Variants in CNTN2 observed in about 807,000 individuals in gnomAD.
CNTN2 encodes the protein contactin 2.
CNTN2 carries 53 observed loss-of-function variants against 117.5 expected under a neutral mutation model. The observed-to-expected ratio is 0.45, with a 90% CI of 0.36 to 0.57. The LOEUF is 0.57. CNTN2 is among the 20% of genes least tolerant of loss of function. The pLI is 0.00. For missense variants in CNTN2, 1,106 were observed against 1,404.3 expected (o/e 0.79, Z 3.39); for synonymous variants, 530 against 561.7 (o/e 0.94, Z 0.80).
Position 205,058,511 on chromosome 1 carries a change from G to C in CNTN2, c.392-57G>C. The C allele has an allele frequency of 1.3e-6, 2 of 1,587,962 alleles. No homozygotes were observed. The highest frequency in any genetic ancestry group is 8.6e-7 in the Non-Finnish European group (1 of 1,158,552). ...GCTGCTTCTCCGTGAAGGATGAGTC[G>C]GGGAGGGGCTCGCAGGCCAGGAGGA... On this transcript the variant is annotated intron_variant, in intron 4 of 22. Coordinates refer to ENST00000331830, the MANE Select transcript of CNTN2 (RefSeq NM_005076.5). The surrounding 1 kb of genome is among the most constrained non-coding windows in gnomAD (Gnocchi z 4.3).
At chr1:205,063,841 G>C (rs1344318420) in intron 10 of CNTN2, among the ~76,000 whole-genome samples, 2 of 151,252 alleles carry the variant, frequency 1.3e-5, no homozygotes, top group South Asian at 2.1e-4. Flanking sequence ...TTCCAGGCAA[G>C]ATTTACAGCA....
Position 205,058,748 on chromosome 1 carries a change from G to A in CNTN2, c.487+85G>A. 1 of 1,090,030 alleles carries A rather than the reference G, an allele frequency of 9.2e-7. No homozygotes were observed. Among genetic ancestry groups the A allele is most frequent in the Non-Finnish European group, 1.3e-6 (1 of 751,030 alleles). The allele number at this position is 1,090,030 out of a possible 1,614,324, so 67.5% of individuals were successfully genotyped here. On this transcript the variant is annotated intron_variant, in intron 5 of 22. Transcript: ENST00000331830. This position sits in a 1 kb window ranked among gnomAD's most constrained non-coding sequence, Gnocchi z 4.3. ...GCAGAGGAAGGATGGAATAAAAGGA[G>A]ACCCCTGGAAATGACCCTTAGAAGC...
chr1:205,058,537 C>A lies in CNTN2; in HGVS notation c.392-31C>A. On this transcript the variant is annotated intron_variant, in intron 4 of 22. Coordinates refer to ENST00000331830, the MANE Select transcript of CNTN2 (RefSeq NM_005076.5). The surrounding 1 kb of genome is among the most constrained non-coding windows in gnomAD (Gnocchi z 4.3). ...GGGAGGGGCTCGCAGGCCAGGAGGA[C>A]AGTGCCTGAGCCCCTGGTCTCTGCC... The A allele has an allele frequency of 6.2e-7, 1 of 1,603,730 alleles. No individual in the cohort carries two copies. The highest frequency in any genetic ancestry group is 8.5e-7 in the Non-Finnish European group (1 of 1,171,576).
chr1:205,054,697 C>G (rs1449730003), intron 2 of CNTN2, among the ~76,000 whole-genome samples: 1 of 152,230 alleles, frequency 6.6e-6, no homozygotes, highest in East Asian at 1.9e-4. Flanking sequence ...CAGAGAGAGA[C>G]AGGAGTGGCA....
At chr1:205,054,972 C>T (rs1414173536) in intron 2 of CNTN2, among the ~76,000 whole-genome samples, 1 of 152,066 alleles carries the variant, frequency 6.6e-6, no homozygotes, top group Non-Finnish European at 1.5e-5. Flanking sequence ...GGGCTGGCCT[C>T]GCCTGGGAGA....
intron 15 of CNTN2, 76 bp from the exon 16 acceptor site, chr1:205,067,025 A>G (rs1400619284): frequency 1.3e-5 from 20 of 1,522,914 alleles, no homozygotes; most frequent in Non-Finnish European, 1.8e-5. Context: ...ATAAGGGGTG[A>G]TTCAGGCCAG....
chr1:205,073,292 C>T lies in CNTN2; in HGVS notation c.3013+56C>T, dbSNP rs1442259254. ...GAGAGATTCAGGATCCACCCAGATA[C>T]CTGAGAGGATCATTCCCACCCAGGC... On this transcript the variant is annotated intron_variant, in intron 22 of 22. Coordinates refer to ENST00000331830, the MANE Select transcript of CNTN2 (RefSeq NM_005076.5). This position sits in a 1 kb window ranked among gnomAD's most constrained non-coding sequence, Gnocchi z 6.3. The T allele has an allele frequency of 1.9e-6, 3 of 1,577,726 alleles. No homozygotes were observed. The highest frequency in any genetic ancestry group is 1.7e-5 in the Admixed American group (1 of 58,718).
chr1:205,065,142 C>T lies in CNTN2; in HGVS notation c.1575C>T (p.Asn525=). 1 of 1,614,150 alleles carries T rather than the reference C, an allele frequency of 6.2e-7. No individual in the cohort carries two copies. The highest frequency in any genetic ancestry group is 8.5e-7 in the Non-Finnish European group (1 of 1,180,026). ...GTGCCGACATCAACTTGGGTGACAA[C>T]CTGACCCTACAGTGCCATGCCTCCC... The part of the protein sequence containing the change: ...PSSADINLGD[N]LTLQCHASHD... The change falls in exon 13 of 23, where the codon AAC becomes AAT. Residue 525 remains asparagine, a synonymous_variant. Coordinates refer to ENST00000331830, the MANE Select transcript of CNTN2 (RefSeq NM_005076.5). The surrounding 1 kb of genome is among the most constrained non-coding windows in gnomAD (Gnocchi z 4.1).
At chr1:205,067,452 T>C (rs1232436616) in intron 16 of CNTN2, 1 of 501,742 alleles carries the variant, frequency 2.0e-6, no homozygotes, top group Non-Finnish European at 3.4e-6. Flanking sequence ...AAACTCCTCA[T>C]TTAAAAACTG....
Position 205,058,673 on chromosome 1 carries a change from G to T in CNTN2, c.487+10G>T. ...CCTGCCCACTACCCAGGTGAGTCCA[G>T]ACCTGGGGCCAGGGTTAGAGAGGGC... is the stretch of plus-strand genomic sequence containing the variant. On this transcript the variant is annotated intron_variant, in intron 5 of 22. Transcript: ENST00000331830. This position sits in a 1 kb window ranked among gnomAD's most constrained non-coding sequence, Gnocchi z 4.3. The T allele has an allele frequency of 6.2e-7, 1 of 1,607,956 alleles. No individual in the cohort carries two copies. The highest frequency in any genetic ancestry group is 1.1e-5 in the South Asian group (1 of 90,652).
At chr1:205,069,721 C>A (rs1654486517) in intron 17 of CNTN2, 106 bp from the exon 18 acceptor site, 1 of 1,431,478 alleles carries the variant, frequency 7.0e-7, no homozygotes. Context: ...ACGCTGCAGG[C>A]GTAGGCGTCC....
chr1:205,070,192 C>T, intron 18 of CNTN2, 131 bp downstream of exon 18: 1 of 883,866 alleles, frequency 1.1e-6, no homozygotes, highest in Non-Finnish European at 1.8e-6. Flanking sequence ...CTGGGTTCCA[C>T]ATCATTGGCC....
rs1325612732 is a variant in CNTN2, at chr1:205,064,382, G to T, written c.1301G>T (p.Gly434Val). The part of the protein sequence containing the change: ...VRRLIPAARG[G>V]EILIPCQPRA... ...CGTCTGATCCCCGCGGCCCGCGGGG[G>T]AGAGATCCTTATCCCCTGCCAGCCC... is the stretch of plus-strand genomic sequence containing the variant. Residue 434 changes from glycine (G) to valine (V), a missense_variant, in exon 11 of 23, where the codon GGA becomes GTA. Coordinates refer to ENST00000331830, the MANE Select transcript of CNTN2 (RefSeq NM_005076.5). The T allele has an allele frequency of 6.2e-6, 10 of 1,611,044 alleles. No homozygotes were observed. Among genetic ancestry groups the T allele is most frequent in the Non-Finnish European group, 7.6e-6 (9 of 1,177,468 alleles).
Position 205,073,222 on chromosome 1 carries a change from TCG to T in CNTN2, c.3000_3001del (p.Val1001GlufsTer78). The stretch of plus-strand genomic sequence containing the variant: ...GATGGGATCCCTGCAGAAGTCCACA[TCG>T]TGAGGAATGGAGGTGCTGCTCCTCC... On this transcript the variant is annotated frameshift_variant, in exon 22 of 23. Transcript: ENST00000331830. LOFTEE classifies it low-confidence loss of function (END_TRUNC). This position sits in a 1 kb window ranked among gnomAD's most constrained non-coding sequence, Gnocchi z 6.3. 1 of 1,613,898 alleles carries T rather than the reference TCG, an allele frequency of 6.2e-7. No individual in the cohort carries two copies. The highest frequency in any genetic ancestry group is 1.1e-5 in the South Asian group (1 of 91,074).
chr1:205,073,308 C>T lies in CNTN2; in HGVS notation c.3013+72C>T. 1 of 1,535,504 alleles carries T rather than the reference C, an allele frequency of 6.5e-7. No homozygotes were observed. Among genetic ancestry groups the T allele is most frequent in the South Asian group, 1.2e-5 (1 of 83,152 alleles). ...ACCCAGATACCTGAGAGGATCATTC[C>T]CACCCAGGCCAACTCCAATCTCTAC... is the stretch of plus-strand genomic sequence containing the variant. On this transcript the variant is annotated intron_variant, in intron 22 of 22. Coordinates refer to ENST00000331830, the MANE Select transcript of CNTN2 (RefSeq NM_005076.5). The surrounding 1 kb of genome is among the most constrained non-coding windows in gnomAD (Gnocchi z 6.3).
chr1:205,073,462 A>T lies in CNTN2; in HGVS notation c.3014-194A>T. On this transcript the variant is annotated intron_variant, in intron 22 of 22. Coordinates refer to ENST00000331830, the MANE Select transcript of CNTN2 (RefSeq NM_005076.5). This position sits in a 1 kb window ranked among gnomAD's most constrained non-coding sequence, Gnocchi z 6.3. ...AGGGAAGGGCGCAGGGTGCAGGGGG[A>T]GGCTGAGGACCAACCAGCAATAGCA... is the stretch of plus-strand genomic sequence containing the variant. The T allele has an allele frequency of 1.4e-6, 1 of 725,782 alleles. No homozygotes were observed. The highest frequency in any genetic ancestry group is 2.3e-6 in the Non-Finnish European group (1 of 443,728). 45.0% of individuals were successfully genotyped at this position (725,782 alleles called of 1,614,324 possible).
chr1:205,074,259 C>T lies in CNTN2; in HGVS notation c.*494C>T, dbSNP rs892082740. 4 of 406,918 alleles carry T rather than the reference C, an allele frequency of 9.8e-6. No individual in the cohort carries two copies. The highest frequency in any genetic ancestry group is 1.1e-4 in the South Asian group (1 of 8,706). The allele number at this position is 406,918 out of a possible 1,614,324, so 25.2% of individuals were successfully genotyped here. A position where few individuals can be genotyped will look rare whatever the true frequency, so the allele number is the denominator to read the frequency against. On this transcript the variant is annotated 3_prime_UTR_variant, in exon 23 of 23. Coordinates refer to ENST00000331830, the MANE Select transcript of CNTN2 (RefSeq NM_005076.5). ...CAAGCCCTGGGACCAAGAGCTCTCC[C>T]GCCTTCTCCCTCGAGCAGCAGCAAG...
rs2096446497 is a variant in CNTN2, at chr1:205,048,778, C to G, written c.-86-4322C>G. Among the ~76,000 whole-genome samples the G allele has an allele frequency of 6.6e-6, 1 of 152,154 alleles. No homozygotes were observed. On this transcript the variant is annotated intron_variant, in intron 1 of 22. Coordinates refer to ENST00000331830, the MANE Select transcript of CNTN2 (RefSeq NM_005076.5). This position sits in a 1 kb window ranked among gnomAD's most constrained non-coding sequence, Gnocchi z 4.1. ...AGAGGCAGTAATTTTATTACTGTCT[C>G]CCCTGTGCTTAGCACAATGCCTGGC...
In CNTN2 at chr1:205,069,818, G is replaced by T; in HGVS notation, c.2197-9G>T. ...GGACCCTCGCCCATGCCATGCTCTT[G>T]CCCCTCAGCCCATGTCACGGGAGTA... On this transcript the variant is annotated splice_polypyrimidine_tract_variant and intron_variant, in intron 17 of 22. Transcript: ENST00000331830. 1 of 1,610,524 alleles carries T rather than the reference G, an allele frequency of 6.2e-7. No homozygotes were observed.
Sources: gnomAD v4.1 joint callset for allele counts (sites outside exome capture counted in the v4.1 genomes callset) on GRCh38, gnomAD v4.1.1 for gene constraint, Gnocchi (gnomAD v3.1) non-coding constraint, MANE v1.5 for transcripts, NCBI Gene and HGNC (gene_info 2026-07-23, HGNC 2026-07-21) for gene names.